The following FBLN7 variants were observed in gnomAD, a reference collection of about 807,000 sequenced individuals.
FBLN7 encodes the protein fibulin-7.
FBLN7 carries 31 observed loss-of-function variants against 44.0 expected under a neutral mutation model. The observed-to-expected ratio is 0.70, with a 90% confidence interval of 0.53 to 0.95. The LOEUF is 0.95. Ranked by LOEUF, FBLN7 falls within the 40% of genes least tolerant of loss-of-function variation. FBLN7 has a pLI of 0.00. For missense variants in FBLN7, 573 were observed against 618.5 expected, an observed-to-expected ratio of 0.93 and a Z score of 0.78; for synonymous variants, 262 against 253.4, an observed-to-expected ratio of 1.03 and a Z score of -0.32.
chr2:112,236,152 T>C, the FBLN7 span, among the ~76,000 whole-genome samples: 2 of 151,980 alleles, frequency 1.3e-5, no homozygotes, highest in Non-Finnish European at 2.9e-5. Context: ...TAGTCCCAGC[T>C]ACTCAGGAGG....
At chr2:112,165,965 G>C (rs1306194197) in intron 3 of FBLN7, among the ~76,000 whole-genome samples, 1 of 152,256 alleles carries the variant, frequency 6.6e-6, no homozygotes, top group Non-Finnish European at 1.5e-5. Flanking sequence ...GAATGTCCAT[G>C]ATTCTAGCCA....
intron 2 of FBLN7, among the ~76,000 whole-genome samples, chr2:112,160,202 G>A (rs1338802348): frequency 6.6e-6 from 1 of 152,138 alleles, no homozygotes; most frequent in Non-Finnish European, 1.5e-5. Context: ...TTGTTAGCCA[G>A]GATGGTCTCG....
Position 112,141,053 on chromosome 2 carries a change from A to T in FBLN7, c.75+2323A>T, listed in dbSNP as rs372399368. Among the ~76,000 whole-genome samples, 271 of 152,358 alleles carry T rather than the reference A, an allele frequency of 1.8e-3. 7 individuals are homozygous for T. In the South Asian group the frequency reaches 0.055, roughly 31 times the overall value. The stretch of plus-strand genomic sequence containing the variant: ...CCACATCCAGCAGAGTAGCCCTGGC[A>T]AGCCAGGGTGAGGGGCCCGGCCATG... On this transcript the variant is annotated intron_variant, in intron 1 of 7. Coordinates refer to ENST00000331203, the MANE Select transcript of FBLN7 (RefSeq NM_153214.3).
At chr2:112,224,553 TA>T in the FBLN7 span, among the ~76,000 whole-genome samples, 5 of 152,212 alleles carry the variant, frequency 3.3e-5, no homozygotes, top group Admixed American at 3.3e-4. Context: ...GACTTGAACA[TA>T]AATGTTCGCT....
In FBLN7 at chr2:112,148,602, C is replaced by G. The variant is rs554166393; in HGVS notation, c.75+9872C>G. On this transcript the variant is annotated intron_variant, in intron 1 of 7. Transcript: ENST00000331203. ...AGCTGGTCTGCTGTGCTAGTCAGGG[C>G]CAGACTCAGCTCATCTGGACTGGCC... 2.8e-3 allele frequency among the ~76,000 whole-genome samples: 423 copies of G among 152,318 alleles called. 1 individual carries two copies. Among genetic ancestry groups the G allele is most frequent in the African/African-American group, 9.9e-3 (411 of 41,576 alleles).
chr2:112,227,474 G>C, the FBLN7 span, among the ~76,000 whole-genome samples: 4 of 152,276 alleles, frequency 2.6e-5, 1 homozygote, highest in South Asian at 6.2e-4. Flanking sequence ...GCAGTGAACC[G>C]AGATCGCGCC....
chr2:112,238,314 C>G, the FBLN7 span: 1 of 1,612,828 alleles, frequency 6.2e-7, no homozygotes, highest in Non-Finnish European at 8.5e-7. Flanking sequence ...TTGACTCTTA[C>G]CCTGTGGGGT....
chr2:112,223,464 C>T, the FBLN7 span, among the ~76,000 whole-genome samples: 4 of 151,940 alleles, frequency 2.6e-5, no homozygotes, highest in Non-Finnish European at 5.9e-5. Context: ...TTAGCATCTA[C>T]AAAAATCATC....
chr2:112,176,453 A>T (rs1388286122), intron 4 of FBLN7: 1 of 152,438 alleles, frequency 6.6e-6, no homozygotes, highest in Non-Finnish European at 1.5e-5. Flanking sequence ...ATTCAGCCCC[A>T]AAGATATCCT....
the FBLN7 span, among the ~76,000 whole-genome samples, chr2:112,242,443 T>C: frequency 2.0e-5 from 3 of 152,270 alleles, no homozygotes; most frequent in Non-Finnish European, 4.4e-5. Context: ...GAGACCTTCA[T>C]GGCATTCTCA....
chr2:112,167,632 C>T (rs188608232), intron 3 of FBLN7, among the ~76,000 whole-genome samples: 7 of 152,294 alleles, frequency 4.6e-5, no homozygotes, highest in Admixed American at 4.6e-4. Flanking sequence ...CCAGTCGGAA[C>T]TTTTATAGAT....
chr2:112,143,803 G>T (rs1359525833), intron 1 of FBLN7, among the ~76,000 whole-genome samples: 1 of 151,910 alleles, frequency 6.6e-6, no homozygotes, highest in African/African-American at 2.4e-5. Context: ...GGCTGGTCTC[G>T]AACTCCTGGG....
At chr2:112,164,956 T>C (rs757871446) in intron 2 of FBLN7, 45 bp from the exon 3 acceptor site, 2 of 1,596,770 alleles carry the variant, frequency 1.3e-6, no homozygotes, top group Non-Finnish European at 1.7e-6. Flanking sequence ...CTAAGGGCTG[T>C]GGTCCAGGAT....
chr2:112,201,491 T>C, the FBLN7 span, among the ~76,000 whole-genome samples: 1 of 152,270 alleles, frequency 6.6e-6, no homozygotes, highest in East Asian at 1.9e-4. Context: ...CACATCTTAT[T>C]TGAAAAGTCA....
the FBLN7 span, among the ~76,000 whole-genome samples, chr2:112,203,691 C>A: frequency 6.6e-6 from 1 of 152,114 alleles, no homozygotes; most frequent in Non-Finnish European, 1.5e-5. Flanking sequence ...TAAGGACATA[C>A]CTGAGACTGG....
the FBLN7 span, among the ~76,000 whole-genome samples, chr2:112,223,265 AAG>A: frequency 6.6e-6 from 1 of 152,228 alleles, no homozygotes; most frequent in South Asian, 2.1e-4. Context: ...AATTTAAAAA[AAG>A]AAAAAAAAAG....
rs1164104919 is a variant in FBLN7, at chr2:112,138,595, A to T, written c.-61A>T. ...GGGACGGCTGCCGCATCGCTGGGAC[A>T]AACTCGGCAGCGGAGGCAAAGTTAT... On this transcript the variant is annotated 5_prime_UTR_variant, in exon 1 of 8. Coordinates refer to ENST00000331203, the MANE Select transcript of FBLN7 (RefSeq NM_153214.3). 3.4e-5 allele frequency: 53 copies of T among 1,554,256 alleles called. No individual in the cohort carries two copies. Among genetic ancestry groups the T allele is most frequent in the Non-Finnish European group, 4.6e-5 (53 of 1,144,340 alleles).
At chr2:112,154,850 T>C (rs192754363) in intron 1 of FBLN7, among the ~76,000 whole-genome samples, 41 of 152,136 alleles carry the variant, frequency 2.7e-4, no homozygotes, top group African/African-American at 9.4e-4. Context: ...AAAGAGTGCA[T>C]TGAGGAATGA....
chr2:112,234,866 C>T, the FBLN7 span, among the ~76,000 whole-genome samples: 1 of 151,340 alleles, frequency 6.6e-6, no homozygotes. Context: ...AGTCTAAGAA[C>T]GAAGATCTTT....
Sources: gnomAD v4.1 joint callset for allele counts (sites outside exome capture counted in the v4.1 genomes callset) on GRCh38, gnomAD v4.1.1 for gene constraint, MANE v1.5 for transcripts, NCBI Gene and HGNC (gene_info 2026-07-23, HGNC 2026-07-21) for gene names.